The following TTLL10 variants were observed in gnomAD, a reference collection of about 807,000 sequenced individuals.
TTLL10 encodes the protein tubulin tyrosine ligase like 10.
A neutral mutation model predicts 69.0 loss-of-function variants in TTLL10; 61 were observed. The observed-to-expected ratio is 0.88, with a 90% CI of 0.72 to 1.09. The LOEUF (loss-of-function observed/expected upper bound fraction) is 1.09, where lower values mean the gene tolerates loss of function less well. Ranked by LOEUF, TTLL10 falls within the 50% of genes least tolerant of loss-of-function variation. The pLI is 0.00. For synonymous variants in TTLL10, 408 were observed against 393.3 expected (o/e 1.04, Z -0.44); for missense variants, 962 against 945.9 (o/e 1.02, Z -0.22).
In TTLL10 at chr1:1,183,009, G is replaced by T; in HGVS notation, c.1050G>T (p.Lys350Asn). The T allele has an allele frequency of 6.2e-7, 1 of 1,609,796 alleles. No individual in the cohort carries two copies. The highest frequency in any genetic ancestry group is 8.5e-7 in the Non-Finnish European group (1 of 1,178,512). The change falls in exon 11 of 16, where the codon AAG becomes AAT. Residue 350 changes from lysine to asparagine, a missense_variant. Coordinates refer to ENST00000379289, the MANE Select transcript of TTLL10 (RefSeq NM_001130045.2). Reference sequence around the variant, plus strand: ...TGGAGGACGACCCCATCCACCACAAGACGCCGTTCCGGGGGCCTCAGGCGC... The same window carrying T: ...TGGAGGACGACCCCATCCACCACAATACGCCGTTCCGGGGGCCTCAGGCGC... ...RSMEDDPIHH[K>N]TPFRGPQARV...
rs1273046322 is a variant in TTLL10 at position 1,197,547 on chromosome 1, G to A, written c.1722G>A (p.Pro574=). The stretch of plus-strand genomic sequence containing the variant: ...ACAACGGTGAGGCCGACCCGCGGCC[G>A]CACCTGGGGGGCTCGTGCAGCCTCC... ...LLHNGEADPR[P]HLGGSCSLRR... is the part of the protein sequence containing the mutation. Residue 574 remains proline, a synonymous_variant, in exon 16 of 16, where the codon CCG becomes CCA. Coordinates refer to ENST00000379289, the MANE Select transcript of TTLL10 (RefSeq NM_001130045.2). 67 of 1,521,122 alleles carry A rather than the reference G, an allele frequency of 4.4e-5. No individual in the cohort carries two copies. Among genetic ancestry groups the A allele is most frequent in the Non-Finnish European group, 5.1e-5 (58 of 1,138,726 alleles). 94.2% of individuals were successfully genotyped at this position (1,521,122 alleles called of 1,614,324 possible).
Position 1,195,500 on chromosome 1 carries a change from C to CTTTTTTTTTTTTTTTTTTTT in TTLL10, c.1402-1082_1402-1081insTTTTTTTTTTTTTTTTTTTT, listed in dbSNP as rs1168016636. Among the ~76,000 whole-genome samples, 764 of 97,934 alleles carry CTTTTTTTTTTTTTTTTTTTT rather than the reference C, an allele frequency of 7.8e-3. 41 individuals carry two copies. The highest frequency in any genetic ancestry group is 0.019 in the Admixed American group (140 of 7,454). The allele number at this position is 97,934 out of a possible 152,430, so 64.2% of individuals were successfully genotyped here. On this transcript the variant is annotated intron_variant, in intron 13 of 15. Coordinates refer to ENST00000379289, the MANE Select transcript of TTLL10 (RefSeq NM_001130045.2). Reference sequence around the variant, plus strand: ...TATTTGATAAGACATCATCGTCATACTTTTTTTTTTTTTTTTTTAGTTTTA... The same window carrying CTTTTTTTTTTTTTTTTTTTT: ...TATTTGATAAGACATCATCGTCATACTTTTTTTTTTTTTTTTTTTTTTTTTTTTTTTTTTTTTTAGTTTTA...
intron 13 of TTLL10, among the ~76,000 whole-genome samples, chr1:1,189,607 G>C (rs138748574): frequency 6.6e-6 from 1 of 152,170 alleles, no homozygotes; most frequent in Non-Finnish European, 1.5e-5. Flanking sequence ...TGGCCTCATA[G>C]CATGTTAGGA....
At chr1:1,184,757 T>C (rs1477939293) in intron 12 of TTLL10, among the ~76,000 whole-genome samples, 1 of 114,566 alleles carries the variant, frequency 8.7e-6, no homozygotes, top group Non-Finnish European at 2.0e-5. Context: ...CCCCAGTTCA[T>C]GCAGAAGCCT....
intron 3 of TTLL10, among the ~76,000 whole-genome samples, chr1:1,178,793 G>A (rs974532122): frequency 1.2e-4 from 18 of 152,150 alleles, no homozygotes; most frequent in Non-Finnish European, 2.5e-4. Context: ...GCTGGGCTCC[G>A]GGGTCAGCAG....
intron 11 of TTLL10, among the ~76,000 whole-genome samples, chr1:1,183,309 C>T (rs1570419647): frequency 6.6e-6 from 1 of 152,200 alleles, no homozygotes; most frequent in East Asian, 1.9e-4. Flanking sequence ...TGCAGGTGGC[C>T]TGGCCTGGGT....
chr1:1,182,392 ACCTACCG>A lies in TTLL10; in HGVS notation c.866_872del (p.Tyr289TrpfsTer101). The A allele has an allele frequency of 6.2e-7, 1 of 1,613,790 alleles. No individual in the cohort carries two copies. Among genetic ancestry groups the A allele is most frequent in the South Asian group, 1.1e-5 (1 of 91,072 alleles). The stretch of plus-strand genomic sequence containing the variant: ...GAGAATGGAAGAGTTTTTCCCAGAG[ACCTACCG>A]CCTGGACCTCAAACACGAGAGAGAG... On this transcript the variant is annotated frameshift_variant, in exon 10 of 16. Coordinates refer to ENST00000379289, the MANE Select transcript of TTLL10 (RefSeq NM_001130045.2). LOFTEE classifies it high-confidence loss of function.
At chr1:1,186,843 G>GT (rs1647362370) in intron 13 of TTLL10, among the ~76,000 whole-genome samples, 1 of 140,014 alleles carries the variant, frequency 7.1e-6, no homozygotes, top group South Asian at 2.5e-4. Flanking sequence ...TTTTTTGTTT[G>GT]TTTTTTGTTT....
In TTLL10 at chr1:1,197,424, C is replaced by A. The variant is rs1448712590; in HGVS notation, c.1613-14C>A. 1.3e-6 allele frequency: 2 copies of A among 1,516,182 alleles called. No individual in the cohort carries two copies. The highest frequency in any genetic ancestry group is 4.3e-5 in the Admixed American group (2 of 47,010). 93.9% of individuals were successfully genotyped at this position (1,516,182 alleles called of 1,614,324 possible). ...TCTGCCCCCCACTCACCCTCTCTCC[C>A]CCACCCGCACCAGACCTGGTGCTCG... On this transcript the variant is annotated splice_polypyrimidine_tract_variant and intron_variant, in intron 15 of 15. Coordinates refer to ENST00000379289, the MANE Select transcript of TTLL10 (RefSeq NM_001130045.2).
At chr1:1,182,754 G>A in intron 10 of TTLL10, 122 bp from the exon 11 acceptor site, 1 of 1,368,592 alleles carries the variant, frequency 7.3e-7, no homozygotes, top group South Asian at 1.5e-5. Context: ...GTTAGCGCAG[G>A]GCCAAGGTTG....
chr1:1,187,072 T>C (rs1486419397), intron 13 of TTLL10, among the ~76,000 whole-genome samples: 4 of 151,682 alleles, frequency 2.6e-5, no homozygotes, highest in Non-Finnish European at 5.9e-5. Flanking sequence ...GGTCTCGATC[T>C]CCTGACCTCG....
chr1:1,179,174 G>T lies in TTLL10; in HGVS notation c.-27-15G>T. 6.8e-7 allele frequency: 1 copy of T among 1,478,244 alleles called. No individual in the cohort carries two copies. The highest frequency in any genetic ancestry group is 9.1e-7 in the Non-Finnish European group (1 of 1,102,906). 91.6% of individuals were successfully genotyped at this position (1,478,244 alleles called of 1,614,324 possible). A position where few individuals can be genotyped will look rare whatever the true frequency, so the allele number is the denominator to read the frequency against. On this transcript the variant is annotated splice_polypyrimidine_tract_variant and intron_variant, in intron 3 of 15. Coordinates refer to ENST00000379289, the MANE Select transcript of TTLL10 (RefSeq NM_001130045.2). ...GAGGTCCCACAGGAGGGTCAGAGCG[G>T]CATCTTCCCTTCAGGGCCCTCGCCC...
At chr1:1,184,926 C>T (rs773668157) in intron 12 of TTLL10, 43 bp from the exon 13 acceptor site, 14 of 1,441,866 alleles carry the variant, frequency 9.7e-6, no homozygotes, top group East Asian at 7.4e-5. Context: ...ACAGGCCCTC[C>T]GGACAGTCTG....
At chr1:1,180,940 A>G in intron 8 of TTLL10, 80 bp downstream of exon 8, 2 of 1,053,674 alleles carry the variant, frequency 1.9e-6, no homozygotes, top group South Asian at 1.8e-5. Context: ...CACCCGCCCC[A>G]CCCCTGCCCC....
At chr1:1,197,931 TACAAAC>T (rs142233803) in exon 16 of TTLL10, 20,243 of 1,349,992 alleles carry the variant, frequency 0.015, 430 homozygotes, top group East Asian at 0.12. Context: ...CCCACTTTGC[TACAAAC>T]ACAGTCTCTG....
At chr1:1,189,234 C>T (rs1478209331) in intron 13 of TTLL10, among the ~76,000 whole-genome samples, 2 of 152,202 alleles carry the variant, frequency 1.3e-5, no homozygotes, top group Non-Finnish European at 2.9e-5. Flanking sequence ...AGGAGGAAGG[C>T]CGTGGGTTTC....
chr1:1,181,175 A>C lies in TTLL10; in HGVS notation c.755+315A>C, dbSNP rs1570412311. ...CTCGTGGCTGAACGGGGAAGATCCC[A>C]CACGTCCCCAACCCACTGGGCCTGA... On this transcript the variant is annotated intron_variant, in intron 8 of 15. Coordinates refer to ENST00000379289, the MANE Select transcript of TTLL10 (RefSeq NM_001130045.2). This position sits in a 1 kb window ranked among gnomAD's most constrained non-coding sequence, Gnocchi z 4.6. Among the ~76,000 whole-genome samples the C allele has an allele frequency of 6.6e-6, 1 of 150,650 alleles. No homozygotes were observed. The highest frequency in any genetic ancestry group is 2.5e-5 in the African/African-American group (1 of 40,772).
intron 10 of TTLL10, 109 bp downstream of exon 10, chr1:1,182,555 G>A (rs1647104949): frequency 8.4e-7 from 1 of 1,188,538 alleles, no homozygotes; most frequent in South Asian, 1.2e-5. Context: ...GGCTGCGTGG[G>A]GCTGGGACGA....
At position 1,197,627 on chromosome 1, in the gene TTLL10, C is replaced by T. The variant is rs1461497647; in HGVS notation, c.1802C>T (p.Pro601Leu). The change falls in exon 16 of 16, where the codon CCG becomes CTG. Residue 601 changes from proline (P) to leucine (L), a missense_variant. By Grantham distance (98) the Pro-to-Leu change is moderately conservative. Coordinates refer to ENST00000379289, the MANE Select transcript of TTLL10 (RefSeq NM_001130045.2). ...RQAKSSGPPM[P>L]HAPDQPGARR... ...GCCAAGTCCTCCGGGCCACCCATGC[C>T]GCATGCCCCAGACCAGCCGGGCGCC... 4 of 1,514,870 alleles carry T rather than the reference C, an allele frequency of 2.6e-6. No individual in the cohort carries two copies. The highest frequency in any genetic ancestry group is 2.5e-5 in the East Asian group (1 of 39,576). 93.8% of individuals were successfully genotyped at this position (1,514,870 alleles called of 1,614,324 possible).
Sources: allele counts gnomAD v4.1 joint callset (sites outside exome capture counted in the v4.1 genomes callset), GRCh38; gene constraint gnomAD v4.1.1; non-coding constraint Gnocchi (gnomAD v3.1); transcripts MANE v1.5; gene names NCBI Gene and HGNC (gene_info 2026-07-23, HGNC 2026-07-21).